Variants in EOGT observed in about 807,000 individuals in gnomAD.
EOGT encodes the protein EGF domain specific O-linked N-acetylglucosamine transferase.
EOGT carries 55 observed loss-of-function variants against 70.5 expected under a neutral mutation model. That is an observed-to-expected ratio of 0.78 (90% CI 0.63 to 0.98). EOGT has a LOEUF of 0.98. Among genes scored for constraint, EOGT ranks in the 50% least tolerant of loss-of-function variants. The pLI is 0.00. For synonymous variants in EOGT, 246 were observed against 217.1 expected, an observed-to-expected ratio of 1.13 and a Z score of -1.17; for missense variants, 703 against 641.9, an observed-to-expected ratio of 1.10 and a Z score of -1.03.
chr3:68,989,819 G>A (rs1448136699), intron 10 of EOGT, among the ~76,000 whole-genome samples: 3 of 150,372 alleles, frequency 2.0e-5, no homozygotes, highest in African/African-American at 7.3e-5. Flanking sequence ...GCTCATGCTT[G>A]TAATTCCAGC....
chr3:68,993,227 T>C (rs2091046691), intron 10 of EOGT, among the ~76,000 whole-genome samples: 1 of 152,218 alleles, frequency 6.6e-6, no homozygotes, highest in African/African-American at 2.4e-5. Flanking sequence ...TTTTCTGAAC[T>C]TTGATGCTCT....
At chr3:68,995,633 A>T (rs6549169) in intron 10 of EOGT, among the ~76,000 whole-genome samples, 125,319 of 152,150 alleles carry the variant, frequency 0.82, 51,792 homozygotes, top group Admixed American at 0.86. Context: ...AAGTTATACT[A>T]AGCCCATTTG....
At chr3:69,010,773 G>A (rs970352298) in intron 3 of EOGT, among the ~76,000 whole-genome samples, 2 of 152,196 alleles carry the variant, frequency 1.3e-5, no homozygotes, top group African/African-American at 4.8e-5. Context: ...ATCTGTGAGA[G>A]AGCAAAGGGA....
intron 14 of EOGT, among the ~76,000 whole-genome samples, chr3:68,985,691 G>T (rs1333007826): frequency 2.6e-5 from 4 of 152,004 alleles, no homozygotes; most frequent in African/African-American, 9.7e-5. Flanking sequence ...CTCTCCCCTG[G>T]GCCACAATAA....
chr3:68,995,888 C>T (rs541333676), intron 10 of EOGT, among the ~76,000 whole-genome samples: 5 of 152,254 alleles, frequency 3.3e-5, no homozygotes, highest in African/African-American at 7.2e-5. Context: ...GCTCAGGCCT[C>T]GGCCTCTTGT....
Position 68,987,477 on chromosome 3 carries a change from T to C in EOGT, c.1120A>G (p.Thr374Ala), listed in dbSNP as rs749798424. The change falls in exon 14 of 18, where the codon ACA becomes GCA. Residue 374 changes from threonine (T) to alanine (A), a missense_variant. Thr to Ala is a moderately conservative substitution (Grantham distance 58, BLOSUM62 0). Coordinates refer to ENST00000383701, the MANE Select transcript of EOGT (RefSeq NM_001278689.2). ...KIRVTILARS[T>A]EYRKILNQNE... ...TGGTTAAGGATTTTCCGGTATTCTG[T>C]GCTCCGTGCAAGAATGGTGACTCGA... is the stretch of plus-strand genomic sequence containing the variant. 6.2e-6 allele frequency: 10 copies of C among 1,613,950 alleles called. No individual in the cohort carries two copies. Among genetic ancestry groups the C allele is most frequent in the South Asian group, 1.1e-5 (1 of 91,032 alleles).
At chr3:68,997,464 G>T (rs2091182567) in intron 10 of EOGT, among the ~76,000 whole-genome samples, 1 of 151,924 alleles carries the variant, frequency 6.6e-6, no homozygotes, top group Non-Finnish European at 1.5e-5. Flanking sequence ...CACCTCCCAG[G>T]TTCAAGTGAT....
chr3:69,005,052 A>T, intron 7 of EOGT, 88 bp downstream of exon 7: 2 of 729,908 alleles, frequency 2.7e-6, no homozygotes, highest in South Asian at 3.6e-5. Context: ...ACAGAGCAAG[A>T]CCCTGTCTCA....
At chr3:69,007,621 C>T (rs888508919) in intron 6 of EOGT, 92 bp downstream of exon 6, 1 of 763,022 alleles carries the variant, frequency 1.3e-6, no homozygotes, top group Non-Finnish European at 2.0e-6. Flanking sequence ...CACTGCACTC[C>T]AGCCAGGGCA....
intron 10 of EOGT, among the ~76,000 whole-genome samples, chr3:68,991,434 G>C (rs1052014304): frequency 1.3e-5 from 2 of 152,236 alleles, no homozygotes; most frequent in East Asian, 3.8e-4. Context: ...TCACATTTCA[G>C]TAAATAGCAC....
At chr3:68,991,169 C>A (rs2090983519) in intron 10 of EOGT, among the ~76,000 whole-genome samples, 1 of 152,226 alleles carries the variant, frequency 6.6e-6, no homozygotes. Context: ...AGAACCACCT[C>A]CAAAAGCTTC....
intron 14 of EOGT, 59 bp from the exon 15 acceptor site, chr3:68,982,931 C>T (rs2107168114): frequency 7.6e-7 from 1 of 1,322,870 alleles, no homozygotes; most frequent in Non-Finnish European, 1.0e-6. Flanking sequence ...CTGTTTTTCC[C>T]TTATGAGTCC....
At position 68,998,113 on chromosome 3, in the gene EOGT, A is replaced by C; in HGVS notation, c.729T>G (p.Gly243=). ...CACAGAAGTGGTGATACATGTTAAC[A>C]CCTAGTGTTGGAAAATGAAACTACA... ...KPTYFMKLDA[G]VNMYHHFCDF... The change falls in exon 10 of 18, where the codon GGT becomes GGG. Residue 243 remains glycine, a splice_region_variant and synonymous_variant. Coordinates refer to ENST00000383701, the MANE Select transcript of EOGT (RefSeq NM_001278689.2). 1.9e-6 allele frequency: 3 copies of C among 1,542,306 alleles called. No homozygotes were observed. In the South Asian group the frequency reaches 3.5e-5, roughly 18 times the overall value.
chr3:68,994,131 C>A (rs781568247), intron 10 of EOGT, among the ~76,000 whole-genome samples: 6 of 152,056 alleles, frequency 3.9e-5, no homozygotes, highest in East Asian at 1.9e-4. Flanking sequence ...ATTATATATA[C>A]GCACACACAC....
Position 69,011,933 on chromosome 3 carries a change from T to C in EOGT, c.-15+3A>G, listed in dbSNP as rs1267454244. ...TGACTCTACTTGTAATAAAAATATA[T>C]ACCTCTTGAATCTTCAGAACCACTC... On this transcript the variant is annotated splice_donor_region_variant and intron_variant, in intron 3 of 17. Coordinates refer to ENST00000383701, the MANE Select transcript of EOGT (RefSeq NM_001278689.2). 5 of 152,194 alleles carry C rather than the reference T, an allele frequency of 3.3e-5. No homozygotes were observed. The highest frequency in any genetic ancestry group is 5.9e-5 in the Non-Finnish European group (4 of 68,038). The allele number at this position is 152,194 out of a possible 1,614,324, so 9.4% of individuals were successfully genotyped here.
intron 3 of EOGT, among the ~76,000 whole-genome samples, chr3:69,011,060 A>C (rs1246036699): frequency 1.3e-5 from 2 of 152,176 alleles, no homozygotes; most frequent in African/African-American, 4.8e-5. Flanking sequence ...CATTGTGAAC[A>C]GTGATAATGG....
chr3:69,003,312 G>A (rs1290676609), intron 8 of EOGT, among the ~76,000 whole-genome samples: 1 of 152,172 alleles, frequency 6.6e-6, no homozygotes, highest in African/African-American at 2.4e-5. Context: ...TCTCCTTGTA[G>A]TATGATATGG....
intron 6 of EOGT, among the ~76,000 whole-genome samples, chr3:69,007,404 G>A (rs965762973): frequency 6.6e-6 from 1 of 151,950 alleles, no homozygotes; most frequent in African/African-American, 2.4e-5. Flanking sequence ...TGTAATCCCA[G>A]CACTTTGGGA....
In EOGT at chr3:69,005,225, T is replaced by A; in HGVS notation, c.430A>T (p.Ser144Cys). Residue 144 changes from serine to cysteine, a missense_variant, in exon 7 of 18, where the codon AGT becomes TGT. Transcript: ENST00000383701. ...TGAAGATAACGGGAACACACCAGACTTGAGTCACTCTGAAGGTTGAGCAAA... is the reference window on the plus strand; with the variant it reads ...TGAAGATAACGGGAACACACCAGACATGAGTCACTCTGAAGGTTGAGCAAA... ...LCQPKETSDS[S>C]LVCSRYLQYC... is the part of the protein sequence containing the mutation. 1 of 1,589,738 alleles carries A rather than the reference T, an allele frequency of 6.3e-7. No individual in the cohort carries two copies. The highest frequency in any genetic ancestry group is 8.6e-7 in the Non-Finnish European group (1 of 1,160,228).
Sources: gnomAD v4.1 joint callset for allele counts (sites outside exome capture counted in the v4.1 genomes callset) on GRCh38, gnomAD v4.1.1 for gene constraint, MANE v1.5 for transcripts, NCBI Gene and HGNC (gene_info 2026-07-23, HGNC 2026-07-21) for gene names.